The following OR2L13 variants were observed in gnomAD, a reference collection of about 807,000 sequenced individuals.
OR2L13 encodes olfactory receptor 2L13.
Under a neutral mutation model 15.3 loss-of-function variants are expected in OR2L13, and 14 were observed. The observed-to-expected ratio is 0.91, with a 90% CI of 0.60 to 1.43. The LOEUF (loss-of-function observed/expected upper bound fraction) is 1.43. OR2L13 is among the 40% of genes most tolerant of loss of function. The pLI, the probability that OR2L13 is intolerant of heterozygous loss-of-function variation, is 0.00. For missense variants in OR2L13, 367 were observed against 387.9 expected (o/e 0.95, Z 0.45); for synonymous variants, 152 against 142.9 (o/e 1.06, Z -0.45).
the OR2L13 span, among the ~76,000 whole-genome samples, chr1:248,070,530 C>T: frequency 2.6e-5 from 4 of 151,968 alleles, no homozygotes; most frequent in African/African-American, 9.6e-5. Flanking sequence ...GCAGGAAAGA[C>T]CTAAAATTGA....
At chr1:248,042,953 G>A in the OR2L13 span, among the ~76,000 whole-genome samples, 821 of 152,182 alleles carry the variant, frequency 5.4e-3, 23 homozygotes, top group East Asian at 0.018. Flanking sequence ...AAGATGCAAA[G>A]GCTTGCCAAA....
At chr1:247,938,707 G>A in the OR2L13 span, among the ~76,000 whole-genome samples, 111 of 152,236 alleles carry the variant, frequency 7.3e-4, 1 homozygote, top group East Asian at 8.1e-3. Context: ...AATAAAGAGT[G>A]TAAAGAGCAT....
chr1:248,034,356 A>AAAAC, the OR2L13 span, among the ~76,000 whole-genome samples: 1 of 152,368 alleles, frequency 6.6e-6, no homozygotes, highest in African/African-American at 2.4e-5. Flanking sequence ...CTAAGTGAAA[A>AAAAC]AAACAAATCT....
At chr1:248,022,279 C>T in the OR2L13 span, 79 of 1,613,844 alleles carry the variant, frequency 4.9e-5, no homozygotes, top group Non-Finnish European at 5.8e-5. Flanking sequence ...GGTGCAGAAG[C>T]GCTGCTCCTG....
At chr1:247,992,441 G>A in the OR2L13 span, among the ~76,000 whole-genome samples, 3 of 152,072 alleles carry the variant, frequency 2.0e-5, no homozygotes, top group African/African-American at 7.2e-5. Flanking sequence ...TTTTTACGTG[G>A]GAATATTGCA....
the OR2L13 span, among the ~76,000 whole-genome samples, chr1:247,956,313 TG>T: frequency 1.3e-5 from 2 of 151,984 alleles, no homozygotes; most frequent in Non-Finnish European, 2.9e-5. Flanking sequence ...ATCTCTGTTT[TG>T]GTACCAGTAC....
At chr1:248,089,128 CT>C in the OR2L13 span, among the ~76,000 whole-genome samples, 32 of 152,118 alleles carry the variant, frequency 2.1e-4, no homozygotes, top group African/African-American at 7.7e-4. Flanking sequence ...GATCTCACAA[CT>C]ACTCTGCTTC....
the OR2L13 span, among the ~76,000 whole-genome samples, chr1:248,021,101 A>G: frequency 6.6e-6 from 1 of 152,208 alleles, no homozygotes; most frequent in East Asian, 1.9e-4. Context: ...TAACTTTTCC[A>G]TGCATTTGTT....
the OR2L13 span, among the ~76,000 whole-genome samples, chr1:248,031,455 G>A: frequency 1.3e-5 from 2 of 152,220 alleles, no homozygotes; most frequent in African/African-American, 4.8e-5. Context: ...ACAGGCTTCT[G>A]CCTTAATGGG....
At chr1:247,948,712 A>G in the OR2L13 span, 1 of 630,748 alleles carries the variant, frequency 1.6e-6, no homozygotes, top group East Asian at 2.7e-5. Context: ...ATAGACAAAA[A>G]TAATAGTGTA....
At chr1:247,995,524 T>A in the OR2L13 span, among the ~76,000 whole-genome samples, 3 of 152,252 alleles carry the variant, frequency 2.0e-5, no homozygotes, top group African/African-American at 7.2e-5. Context: ...ATAGAAAAAA[T>A]TTTTGTGTTT....
the OR2L13 span, among the ~76,000 whole-genome samples, chr1:248,087,011 C>T: frequency 2.0e-5 from 3 of 152,050 alleles, no homozygotes; most frequent in Admixed American, 6.6e-5. Flanking sequence ...AACTGATTAT[C>T]GTCCCCTTCC....
At chr1:248,090,773 A>G (rs1572737653), upstream of OR2L13, among the ~76,000 whole-genome samples, 1 of 152,178 alleles carries the variant, frequency 6.6e-6, no homozygotes, top group African/African-American at 2.4e-5. Flanking sequence ...TTATTGTAGA[A>G]CAATGTATAC....
the OR2L13 span, chr1:248,051,194 C>T: frequency 6.7e-6 from 1 of 149,134 alleles, no homozygotes; most frequent in Non-Finnish European, 1.5e-5. Context: ...CCAGGGTCCA[C>T]CATTCCACTT....
the OR2L13 span, among the ~76,000 whole-genome samples, chr1:247,946,924 A>G: frequency 2.6e-5 from 4 of 152,198 alleles, no homozygotes; most frequent in Admixed American, 6.5e-5. Context: ...TTTTTTAAGA[A>G]TACTAACTTC....
the OR2L13 span, chr1:247,990,295 C>A: frequency 2.9e-6 from 3 of 1,048,668 alleles, no homozygotes; most frequent in South Asian, 3.8e-5. Flanking sequence ...ACATCAACTG[C>A]TTTCATCTTG....
At chr1:248,010,763 G>GTTTTTTTTTT in the OR2L13 span, among the ~76,000 whole-genome samples, 34 of 44,478 alleles carry the variant, frequency 7.6e-4, 1 homozygote, top group African/African-American at 1.6e-3. Flanking sequence ...CTTTGTTGTT[G>GTTTTTTTTTT]TTTTTTTTTT....
the OR2L13 span, among the ~76,000 whole-genome samples, chr1:248,009,797 A>G: frequency 4.6e-5 from 7 of 152,196 alleles, no homozygotes; most frequent in Non-Finnish European, 8.8e-5. Context: ...ATCCAACAGC[A>G]TATCACAAAA....
the OR2L13 span, chr1:247,990,319 C>A: frequency 7.7e-7 from 1 of 1,294,190 alleles, no homozygotes; most frequent in Non-Finnish European, 1.1e-6. Context: ...GGATTGTCGC[C>A]ACCACCAAAA....
Sources: gnomAD v4.1 joint callset for allele counts (sites outside exome capture counted in the v4.1 genomes callset) on GRCh38, gnomAD v4.1.1 for gene constraint, MANE v1.5 for transcripts, NCBI Gene and HGNC (gene_info 2026-07-23, HGNC 2026-07-21) for gene names.